Variants in DENND5A observed in about 807,000 individuals in gnomAD.
DENND5A encodes DENN domain-containing protein 5A.
Under a neutral mutation model 140.3 loss-of-function variants are expected in DENND5A, and 64 were observed. That is an observed-to-expected ratio of 0.46 (90% CI 0.37 to 0.56). The LOEUF is 0.56. Ranked by LOEUF, DENND5A falls within the 20% of genes least tolerant of loss-of-function variation. DENND5A has a pLI of 0.00. For missense variants in DENND5A, 1,292 were observed against 1,593.8 expected (o/e 0.81, Z 3.22); for synonymous variants, 605 against 607.7 (o/e 1.00, Z 0.07).
intron 4 of DENND5A, among the ~76,000 whole-genome samples, chr11:9,195,927 T>G (rs1305160325): frequency 6.6e-6 from 1 of 151,794 alleles, no homozygotes; most frequent in Non-Finnish European, 1.5e-5. Flanking sequence ...TTAAATAGGG[T>G]GTAATGGCTC....
intron 1 of DENND5A, among the ~76,000 whole-genome samples, chr11:9,212,816 T>C (rs1236863722): frequency 6.6e-6 from 1 of 152,100 alleles, no homozygotes; most frequent in Non-Finnish European, 1.5e-5. Flanking sequence ...TGTGATTCCA[T>C]TTATATAATA....
At position 9,145,574 on chromosome 11, in the gene DENND5A, C is replaced by T. The variant is rs373444838; in HGVS notation, c.3003+96G>A. ...AGCTATGCTGAAGCATTACACTGTA[C>T]ATAGCAAGCCCTCTGAAAAACCCTG... On this transcript the variant is annotated intron_variant, in intron 17 of 22. Coordinates refer to ENST00000328194, the MANE Select transcript of DENND5A (RefSeq NM_015213.4). 8 of 1,325,024 alleles carry T rather than the reference C, an allele frequency of 6.0e-6. No individual in the cohort carries two copies. The African/African-American group carries it at 7.2e-5, about 12-fold the overall frequency. 82.1% of individuals were successfully genotyped at this position (1,325,024 alleles called of 1,614,324 possible).
chr11:9,195,230 G>A (rs755721614), intron 4 of DENND5A, among the ~76,000 whole-genome samples: 2 of 151,456 alleles, frequency 1.3e-5, no homozygotes, highest in Non-Finnish European at 2.9e-5. Flanking sequence ...ACAGGCATGC[G>A]CCACCACCCG....
At chr11:9,261,896 A>G (rs558110571) in intron 1 of DENND5A, among the ~76,000 whole-genome samples, 2 of 152,066 alleles carry the variant, frequency 1.3e-5, no homozygotes, top group African/African-American at 4.8e-5. Context: ...AACAAAGGCC[A>G]CCTATCGGAA....
chr11:9,207,096 C>G, intron 2 of DENND5A: 1 of 446,802 alleles, frequency 2.2e-6, no homozygotes, highest in African/African-American at 2.0e-5. Context: ...AGGATTGTAT[C>G]TATCTTTTTT....
At chr11:9,196,459 A>C (rs542638360) in intron 4 of DENND5A, among the ~76,000 whole-genome samples, 1 of 152,318 alleles carries the variant, frequency 6.6e-6, no homozygotes, top group East Asian at 1.9e-4. Context: ...GGCTATATCT[A>C]CAAGTAAGCA....
At chr11:9,187,834 T>G in intron 5 of DENND5A, among the ~76,000 whole-genome samples, 1 of 152,192 alleles carries the variant, frequency 6.6e-6, no homozygotes, top group Non-Finnish European at 1.5e-5. Context: ...GCTGAGCTCA[T>G]GTGTTGGTGC....
rs184844597 is a variant in DENND5A, at chr11:9,215,118, C to T, written c.110-7486G>A. Among the ~76,000 whole-genome samples, 13 of 152,276 alleles carry T rather than the reference C, an allele frequency of 8.5e-5. No homozygotes were observed. In the East Asian group the frequency reaches 1.9e-3, roughly 23 times the overall value. On this transcript the variant is annotated intron_variant, in intron 1 of 22. Coordinates refer to ENST00000328194, the MANE Select transcript of DENND5A (RefSeq NM_015213.4). Reference sequence around the variant, plus strand: ...TGTAAATTTAAGAGAAACCCTGTTACTCCTATTTTCTCAAGGCAGATTTGT... The same window carrying T: ...TGTAAATTTAAGAGAAACCCTGTTATTCCTATTTTCTCAAGGCAGATTTGT...
intron 15 of DENND5A, 136 bp from the exon 16 acceptor site, chr11:9,147,287 G>C: frequency 1.2e-6 from 1 of 868,860 alleles, no homozygotes; most frequent in Non-Finnish European, 1.7e-6. Context: ...ACCCTATAAA[G>C]GAACAAAGCT....
At chr11:9,214,654 C>G (rs150819201) in intron 1 of DENND5A, among the ~76,000 whole-genome samples, 7 of 152,342 alleles carry the variant, frequency 4.6e-5, no homozygotes, top group African/African-American at 1.4e-4. Flanking sequence ...CAGACATTCA[C>G]AAGTAAGTAC....
chr11:9,141,397 A>T (rs1847235121), intron 22 of DENND5A, among the ~76,000 whole-genome samples: 2 of 152,202 alleles, frequency 1.3e-5, no homozygotes, highest in Admixed American at 1.3e-4. Context: ...CAGTCTGAGA[A>T]ATGTGTCATT....
chr11:9,180,896 C>T lies in DENND5A; in HGVS notation c.1326G>A (p.Glu442=), dbSNP rs1848705766. The T allele has an allele frequency of 6.2e-7, 1 of 1,614,116 alleles. No individual in the cohort carries two copies. Among genetic ancestry groups the T allele is most frequent in the Admixed American group, 1.7e-5 (1 of 60,010 alleles). Residue 442 remains glutamate (E), a synonymous_variant, in exon 6 of 23, where the codon GAG becomes GAA. Transcript: ENST00000328194. The part of the protein sequence containing the change: ...ASKLKRLRAS[E]LVSDKRNGNI... Reference sequence around the variant, plus strand: ...TCCCATTCCTCTTGTCCGAGACAAGCTCAGAGGCCCGCAGCCTCTTCAGCT... The same window carrying T: ...TCCCATTCCTCTTGTCCGAGACAAGTTCAGAGGCCCGCAGCCTCTTCAGCT...
At chr11:9,261,494 C>T (rs1852196668) in intron 1 of DENND5A, among the ~76,000 whole-genome samples, 1 of 151,982 alleles carries the variant, frequency 6.6e-6, no homozygotes, top group Non-Finnish European at 1.5e-5. Context: ...TTCAAAGATT[C>T]CCTCTGGGAG....
intron 10 of DENND5A, among the ~76,000 whole-genome samples, chr11:9,168,600 C>T (rs1338462019): frequency 6.6e-6 from 1 of 151,692 alleles, no homozygotes; most frequent in Non-Finnish European, 1.5e-5. Flanking sequence ...TAAAATAACA[C>T]AAATAACCAA....
Position 9,160,835 on chromosome 11 carries a change from G to C in DENND5A, c.2314C>G (p.Arg772Gly). Residue 772 changes from arginine to glycine, a missense_variant, in exon 12 of 23, where the codon CGA (arginine) becomes GGA (glycine). Arg to Gly is a moderately radical substitution (Grantham distance 125). This residue lies in a region of DENND5A where 498 missense variants were observed against 689.7 expected (regional missense o/e 0.72). Transcript: ENST00000328194. ...TKRMLVEKMG[R>G]EAVELGHGEV... Reference sequence around the variant, plus strand: ...CCATGCCCTAGCTCCACAGCTTCTCGGCCCATCTTTTCCACCAGCATCCTC... The same window carrying C: ...CCATGCCCTAGCTCCACAGCTTCTCCGCCCATCTTTTCCACCAGCATCCTC... The C allele has an allele frequency of 6.2e-7, 1 of 1,613,800 alleles. No individual in the cohort carries two copies. The highest frequency in any genetic ancestry group is 8.5e-7 in the Non-Finnish European group (1 of 1,179,790).
At chr11:9,246,087 G>A (rs1321879979) in intron 1 of DENND5A, among the ~76,000 whole-genome samples, 2 of 152,126 alleles carry the variant, frequency 1.3e-5, no homozygotes, top group Non-Finnish European at 2.9e-5. Context: ...GGAAATAAAG[G>A]AAAATATGAG....
Position 9,162,966 on chromosome 11 carries a change from G to A in DENND5A, c.2284-2101C>T, listed in dbSNP as rs146930253. On this transcript the variant is annotated intron_variant, in intron 11 of 22. Coordinates refer to ENST00000328194, the MANE Select transcript of DENND5A (RefSeq NM_015213.4). ...CAATCCCCCCACCTCAGCCTCCCAAGTAGCTGGGATCACAGGTGTGTGCTG... is the reference window on the plus strand; with the variant it reads ...CAATCCCCCCACCTCAGCCTCCCAAATAGCTGGGATCACAGGTGTGTGCTG... 1.6e-3 allele frequency among the ~76,000 whole-genome samples: 236 copies of A among 151,700 alleles called. 2 individuals are homozygous for A. Among genetic ancestry groups the A allele is most frequent in the African/African-American group, 5.4e-3 (225 of 41,318 alleles).
chr11:9,239,424 C>T, intron 1 of DENND5A, among the ~76,000 whole-genome samples: 1 of 149,588 alleles, frequency 6.7e-6, no homozygotes, highest in East Asian at 2.0e-4. Context: ...GCAGCCTCAA[C>T]CCCTCAGACT....
intron 12 of DENND5A, among the ~76,000 whole-genome samples, chr11:9,158,249 T>C (rs1483891855): frequency 2.0e-5 from 3 of 152,092 alleles, no homozygotes; most frequent in Admixed American, 6.5e-5. Context: ...GTGGGTACTT[T>C]TAAAATTCCA....
Sources: allele counts gnomAD v4.1 joint callset (sites outside exome capture counted in the v4.1 genomes callset), GRCh38; gene constraint gnomAD v4.1.1; regional missense constraint gnomAD v4.1.1; transcripts MANE v1.5; gene names NCBI Gene and HGNC (gene_info 2026-07-23, HGNC 2026-07-21).